The following PCDH9 variants were observed in gnomAD, a reference collection of about 807,000 sequenced individuals.
PCDH9 encodes the protein protocadherin 9, also known as protocadherin-9.
A neutral mutation model predicts 70.6 loss-of-function variants in PCDH9; 24 were observed. That is an observed-to-expected ratio of 0.34 (90% CI 0.25 to 0.48). PCDH9 has a LOEUF of 0.48. PCDH9 is among the 20% of genes least tolerant of loss of function. PCDH9 has a pLI of 0.99. For synonymous variants in PCDH9, 562 were observed against 558.5 expected (o/e 1.01, Z -0.09); for missense variants, 1,281 against 1,503.6 (o/e 0.85, Z 2.45).
chr13:66,827,360 C>CAAAAAAAAAAAAA (rs71110608), intron 3 of PCDH9, among the ~76,000 whole-genome samples: 5 of 120,244 alleles, frequency 4.2e-5, no homozygotes, highest in Non-Finnish European at 7.0e-5. Context: ...AGGAAAATGG[C>CAAAAAAAAAAAAA]AAAAAAAAAA....
At chr13:66,614,702 G>A (rs2077334692) in intron 4 of PCDH9, among the ~76,000 whole-genome samples, 1 of 152,150 alleles carries the variant, frequency 6.6e-6, no homozygotes, top group African/African-American at 2.4e-5. Flanking sequence ...TTGTTCCCTG[G>A]TGCCATAAAG....
intron 2 of PCDH9, among the ~76,000 whole-genome samples, chr13:66,927,891 C>T (rs1431239155): frequency 1.3e-5 from 2 of 152,026 alleles, no homozygotes; most frequent in African/African-American, 4.8e-5. Flanking sequence ...CACAATTCTG[C>T]CCATAACACC....
At chr13:66,951,555 A>G (rs2083181463) in intron 2 of PCDH9, among the ~76,000 whole-genome samples, 1 of 152,120 alleles carries the variant, frequency 6.6e-6, no homozygotes, top group Non-Finnish European at 1.5e-5. Flanking sequence ...ATTATTTTAA[A>G]TGCTGGGGGA....
intron 4 of PCDH9, among the ~76,000 whole-genome samples, chr13:66,348,790 G>T (rs1044785347): frequency 6.8e-6 from 1 of 147,940 alleles, no homozygotes; most frequent in African/African-American, 2.5e-5. Flanking sequence ...CCTACTTCTT[G>T]ACTGAAATTA....
At chr13:66,439,573 A>G (rs1957936681) in intron 4 of PCDH9, among the ~76,000 whole-genome samples, 1 of 152,178 alleles carries the variant, frequency 6.6e-6, no homozygotes, top group Admixed American at 6.5e-5. Flanking sequence ...AAATAAATAA[A>G]TGCTTGTAAA....
intron 2 of PCDH9, chr13:66,990,769 T>C (rs2083986817): frequency 6.6e-6 from 1 of 151,738 alleles, no homozygotes; most frequent in Admixed American, 6.6e-5. Context: ...ATAATATTTA[T>C]GTTTACTTAA....
chr13:66,771,213 G>A (rs1048439115), intron 3 of PCDH9, among the ~76,000 whole-genome samples: 1 of 152,152 alleles, frequency 6.6e-6, no homozygotes, highest in East Asian at 1.9e-4. Flanking sequence ...CTCCTCAGTA[G>A]CTAGGACCAT....
intron 2 of PCDH9, among the ~76,000 whole-genome samples, chr13:66,957,695 C>A (rs1055361879): frequency 4.6e-5 from 7 of 152,128 alleles, no homozygotes; most frequent in Non-Finnish European, 7.3e-5. Context: ...CTCTCTCTCA[C>A]TCACTCTCTT....
At chr13:66,637,624 A>AAT (rs2077655700) in intron 3 of PCDH9, among the ~76,000 whole-genome samples, 1 of 152,170 alleles carries the variant, frequency 6.6e-6, no homozygotes, top group Non-Finnish European at 1.5e-5. Context: ...TTAGAAATTT[A>AAT]ATTTTCTGGC....
At chr13:67,161,794 C>G (rs1234966068) in intron 2 of PCDH9, among the ~76,000 whole-genome samples, 1 of 152,162 alleles carries the variant, frequency 6.6e-6, no homozygotes, top group Non-Finnish European at 1.5e-5. Flanking sequence ...ACTATTTCCT[C>G]TTACAAATAT....
At chr13:66,921,042 GCTTAT>G (rs2082629540) in intron 2 of PCDH9, among the ~76,000 whole-genome samples, 3 of 151,164 alleles carry the variant, frequency 2.0e-5, no homozygotes, top group Middle Eastern at 3.4e-3. Context: ...GATGATCAAT[GCTTAT>G]ACTGAATTTC....
chr13:66,609,520 G>A (rs866664478), intron 4 of PCDH9, among the ~76,000 whole-genome samples: 1 of 152,028 alleles, frequency 6.6e-6, no homozygotes, highest in Non-Finnish European at 1.5e-5. Context: ...ACAGAAAACA[G>A]AGGCAGGATT....
chr13:66,640,173 C>A (rs1465241557), intron 3 of PCDH9, among the ~76,000 whole-genome samples: 1 of 152,062 alleles, frequency 6.6e-6, no homozygotes, highest in Non-Finnish European at 1.5e-5. Flanking sequence ...ATCACAGATA[C>A]AACATACGGT....
rs1024218025 is a variant in PCDH9, at chr13:66,407,635, T to C, written c.3341-102607A>G. Among the ~76,000 whole-genome samples, 8 of 152,314 alleles carry C rather than the reference T, an allele frequency of 5.3e-5. No homozygotes were observed. In the East Asian group the frequency reaches 5.8e-4, roughly 11 times the overall value. On this transcript the variant is annotated intron_variant, in intron 4 of 4. Transcript: ENST00000377865. ...GGCATCTACAACATTCATAGGAAGA[T>C]TGCTTTCAGTTTAACTCATTATAAA... is the stretch of plus-strand genomic sequence containing the variant.
intron 2 of PCDH9, among the ~76,000 whole-genome samples, chr13:67,149,696 A>AT (rs1171024309): frequency 6.6e-5 from 10 of 152,192 alleles, no homozygotes; most frequent in African/African-American, 2.2e-4. Context: ...TACGTTAAAG[A>AT]TTTTTGCTTT....
intron 4 of PCDH9, among the ~76,000 whole-genome samples, chr13:66,511,210 G>A (rs1381994389): frequency 6.6e-6 from 1 of 152,056 alleles, no homozygotes; most frequent in Non-Finnish European, 1.5e-5. Context: ...TTCCCTGTAT[G>A]AATACAAAAA....
intron 4 of PCDH9, among the ~76,000 whole-genome samples, chr13:66,537,573 G>A (rs1960763132): frequency 6.6e-6 from 1 of 151,932 alleles, no homozygotes; most frequent in Non-Finnish European, 1.5e-5. Context: ...AAGAAATCCT[G>A]CAGTGCTGGA....
intron 4 of PCDH9, among the ~76,000 whole-genome samples, chr13:66,481,671 A>G (rs536041013): frequency 6.6e-6 from 1 of 152,320 alleles, no homozygotes; most frequent in South Asian, 2.1e-4. Context: ...ATGTACTGTC[A>G]TTTAAAACAT....
chr13:67,194,640 TA>T (rs2089010561), intron 2 of PCDH9, among the ~76,000 whole-genome samples: 1 of 152,216 alleles, frequency 6.6e-6, no homozygotes, highest in African/African-American at 2.4e-5. Flanking sequence ...TTTACAATAA[TA>T]TTCATATTTA....
Sources: gnomAD v4.1 joint callset for allele counts (sites outside exome capture counted in the v4.1 genomes callset) on GRCh38, gnomAD v4.1.1 for gene constraint, MANE v1.5 for transcripts, NCBI Gene and HGNC (gene_info 2026-07-23, HGNC 2026-07-21) for gene names.